The following SYT1 variants were observed in gnomAD, a reference collection of about 807,000 sequenced individuals.
The protein encoded by SYT1 is synaptotagmin 1, also known as synaptotagmin-1.
Under a neutral mutation model 44.8 loss-of-function variants are expected in SYT1, and 8 were observed. That is an observed-to-expected ratio of 0.18 (90% CI 0.10 to 0.32). The LOEUF (loss-of-function observed/expected upper bound fraction) is 0.32, where lower values mean the gene tolerates loss of function less well. Among genes scored for constraint, SYT1 ranks in the 10% least tolerant of loss-of-function variants. SYT1 has a pLI of 1.00. For missense variants in SYT1, 286 were observed against 509.3 expected (o/e 0.56, Z 4.22); for synonymous variants, 154 against 188.8 (o/e 0.82, Z 1.51).
intron 9 of SYT1, among the ~76,000 whole-genome samples, chr12:79,378,775 C>T (rs868816030): frequency 2.6e-5 from 4 of 152,220 alleles, no homozygotes; most frequent in Admixed American, 1.3e-4. Flanking sequence ...GTGATTAATC[C>T]GAGGAACAGG....
chr12:79,096,571 TG>T, intron 3 of SYT1, among the ~76,000 whole-genome samples: 1 of 152,118 alleles, frequency 6.6e-6, no homozygotes, highest in East Asian at 1.9e-4. Flanking sequence ...GTTGTTTAGT[TG>T]AACCTTGAAG....
chr12:79,313,889 G>A (rs1880937833), intron 8 of SYT1, among the ~76,000 whole-genome samples: 1 of 148,904 alleles, frequency 6.7e-6, no homozygotes, highest in Admixed American at 6.6e-5. Context: ...TATTAGCGGG[G>A]CCGGGCGCGG....
intron 1 of SYT1, among the ~76,000 whole-genome samples, chr12:78,869,736 AT>A (rs1592508000): frequency 6.6e-6 from 1 of 152,066 alleles, no homozygotes; most frequent in African/African-American, 2.4e-5. Flanking sequence ...TGCAAAACAA[AT>A]ATTTTAAAGA....
At chr12:79,178,931 TATATAG>T (rs367925795) in intron 3 of SYT1, among the ~76,000 whole-genome samples, 1,074 of 51,712 alleles carry the variant, frequency 0.021, 157 homozygotes, top group East Asian at 0.18. Context: ...TAGATATATC[TATATAG>T]ATATAGATAT....
intron 8 of SYT1, among the ~76,000 whole-genome samples, chr12:79,330,904 T>G (rs1881824222): frequency 1.3e-5 from 2 of 152,284 alleles, no homozygotes; most frequent in South Asian, 4.1e-4. Context: ...TAGTCTTAAT[T>G]ATGGCACTCA....
intron 4 of SYT1, among the ~76,000 whole-genome samples, chr12:79,245,455 A>C (rs937618442): frequency 2.0e-5 from 3 of 146,678 alleles, no homozygotes; most frequent in African/African-American, 7.6e-5. Context: ...GCCTGGGCAC[A>C]GAGCGAGACT....
intron 3 of SYT1, among the ~76,000 whole-genome samples, chr12:79,188,285 G>A (rs1180855892): frequency 6.6e-6 from 1 of 151,988 alleles, no homozygotes; most frequent in Non-Finnish European, 1.5e-5. Flanking sequence ...TCCATTTTAT[G>A]CCTTATGAAA....
intron 1 of SYT1, among the ~76,000 whole-genome samples, chr12:78,931,760 A>T (rs1565724267): frequency 6.6e-6 from 1 of 152,144 alleles, no homozygotes; most frequent in Non-Finnish European, 1.5e-5. Flanking sequence ...AATTTATTTG[A>T]TGCTGCCTCT....
At chr12:79,444,017 T>A in intron 9 of SYT1, 56 bp from the exon 10 acceptor site, 1 of 1,584,686 alleles carries the variant, frequency 6.3e-7, no homozygotes, top group East Asian at 2.3e-5. Flanking sequence ...AGCTAACTTA[T>A]AATCTAAAAT....
At chr12:78,897,261 AC>A (rs1203703199) in intron 1 of SYT1, among the ~76,000 whole-genome samples, 1 of 151,872 alleles carries the variant, frequency 6.6e-6, no homozygotes, top group Non-Finnish European at 1.5e-5. Flanking sequence ...AATGTCAAAT[AC>A]CAGGATACTT....
intron 2 of SYT1, among the ~76,000 whole-genome samples, chr12:79,011,434 G>T (rs1871401522): frequency 6.6e-6 from 1 of 151,776 alleles, no homozygotes. Context: ...AGTCAAGAAG[G>T]AAATAACATT....
chr12:79,220,225 C>T lies in SYT1; in HGVS notation c.166+2540C>T, dbSNP rs186165906. Among the ~76,000 whole-genome samples, 5 of 152,040 alleles carry T rather than the reference C, an allele frequency of 3.3e-5. No individual in the cohort carries two copies. In the East Asian group the frequency reaches 9.6e-4, roughly 29 times the overall value. On this transcript the variant is annotated intron_variant, in intron 4 of 10. Transcript: ENST00000261205. Reference sequence around the variant, plus strand: ...TGGTATATAATTGTTCATAAGAGTCCCATGAGCCTTTGCATTTCTATTGTA... The same window carrying T: ...TGGTATATAATTGTTCATAAGAGTCTCATGAGCCTTTGCATTTCTATTGTA...
intron 9 of SYT1, among the ~76,000 whole-genome samples, chr12:79,369,077 C>G (rs1480166051): frequency 6.6e-6 from 1 of 152,160 alleles, no homozygotes; most frequent in East Asian, 1.9e-4. Flanking sequence ...TGAACTGTGC[C>G]TCCCTCAAAC....
intron 1 of SYT1, among the ~76,000 whole-genome samples, chr12:78,900,612 G>C (rs1427556309): frequency 6.6e-6 from 1 of 152,054 alleles, no homozygotes; most frequent in Admixed American, 6.6e-5. Context: ...AGGCACATTA[G>C]AGTGGAGCAT....
At chr12:79,345,065 G>T (rs932077078) in intron 8 of SYT1, among the ~76,000 whole-genome samples, 4 of 152,112 alleles carry the variant, frequency 2.6e-5, no homozygotes, top group Non-Finnish European at 5.9e-5. Flanking sequence ...TGTGGACAGG[G>T]TTCATCCTGA....
chr12:79,254,280 AATGATGACACAGC>A, intron 4 of SYT1, among the ~76,000 whole-genome samples: 1 of 152,296 alleles, frequency 6.6e-6, no homozygotes, highest in Admixed American at 6.5e-5. Flanking sequence ...AGCCCTTAAG[AATGATGACACAGC>A]TACTCTTCCT....
At chr12:79,122,339 C>T (rs1382539341) in intron 3 of SYT1, among the ~76,000 whole-genome samples, 2 of 150,266 alleles carry the variant, frequency 1.3e-5, no homozygotes, top group Non-Finnish European at 3.0e-5. Context: ...ACGGTGAAAC[C>T]CCGTCTCTAC....
chr12:79,238,612 T>C (rs1371420775), intron 4 of SYT1, among the ~76,000 whole-genome samples: 1 of 152,202 alleles, frequency 6.6e-6, no homozygotes, highest in Non-Finnish European at 1.5e-5. Flanking sequence ...TGCAGGGCAA[T>C]TGGGTATGTG....
In SYT1 at chr12:79,049,462, CA is replaced by C. The variant is rs35340272; in HGVS notation, c.-18+2107del. ...TGCTAAATCACTCATAAATTACATG[CA>C]AAAAAAGACTCTTCTTATTATACTG... is the stretch of plus-strand genomic sequence containing the variant. On this transcript the variant is annotated intron_variant, in intron 3 of 10. Transcript: ENST00000261205. Among the ~76,000 whole-genome samples the C allele has an allele frequency of 4.8e-3, 731 of 151,244 alleles. 7 individuals are homozygous for C. Among genetic ancestry groups the C allele is most frequent in the African/African-American group, 0.017 (691 of 41,288 alleles).
Sources: allele counts gnomAD v4.1 joint callset (sites outside exome capture counted in the v4.1 genomes callset), GRCh38; gene constraint gnomAD v4.1.1; transcripts MANE v1.5; gene names NCBI Gene and HGNC (gene_info 2026-07-23, HGNC 2026-07-21).